Variants in SNX29 observed in about 807,000 individuals in gnomAD.
The protein encoded by SNX29 is sorting nexin 29.
A neutral mutation model predicts 102.1 loss-of-function variants in SNX29; 78 were observed. The ratio of observed to expected loss-of-function variants is 0.76; its 90% CI spans 0.64 to 0.92. SNX29 has a LOEUF of 0.92. SNX29 is among the 40% of genes least tolerant of loss of function. The probability of loss-of-function intolerance (pLI) is 0.00; values close to 1 mark genes in which losing one functional copy is unlikely to be tolerated. For missense variants in SNX29, 1,280 were observed against 1,061.7 expected, an observed-to-expected ratio of 1.21 and a Z score of -2.86; for synonymous variants, 580 against 414.5, an observed-to-expected ratio of 1.40 and a Z score of -4.85.
intron 11 of SNX29, among the ~76,000 whole-genome samples, chr16:12,105,821 A>G (rs1192450073): frequency 1.3e-5 from 2 of 152,158 alleles, no homozygotes; most frequent in African/African-American, 4.8e-5. Context: ...CTTGGAAAGA[A>G]GAGATCTGCA....
At chr16:12,567,660 G>A (rs573599831) in intron 20 of SNX29, among the ~76,000 whole-genome samples, 1 of 152,268 alleles carries the variant, frequency 6.6e-6, no homozygotes, top group African/African-American at 2.4e-5. Flanking sequence ...TGCTCAGGAG[G>A]CTGAGGTGAG....
At chr16:12,542,254 A>C (rs1349990734) in intron 20 of SNX29, among the ~76,000 whole-genome samples, 1 of 145,672 alleles carries the variant, frequency 6.9e-6, no homozygotes, top group African/African-American at 2.5e-5. Context: ...CCCTTTATAG[A>C]TGAGGAAATT....
At chr16:12,542,159 G>A (rs1008559827) in intron 20 of SNX29, among the ~76,000 whole-genome samples, 1 of 152,170 alleles carries the variant, frequency 6.6e-6, no homozygotes, top group Non-Finnish European at 1.5e-5. Context: ...CTGGGCTCCT[G>A]CTGGGTGTCA....
chr16:12,078,200 TG>T (rs766037424), intron 10 of SNX29, among the ~76,000 whole-genome samples: 1 of 145,126 alleles, frequency 6.9e-6, no homozygotes, highest in Non-Finnish European at 1.5e-5. Context: ...AAAGGCCGGG[TG>T]TGGTGGGTCA....
At chr16:12,382,076 C>T (rs1271863965) in intron 16 of SNX29, among the ~76,000 whole-genome samples, 1 of 152,050 alleles carries the variant, frequency 6.6e-6, no homozygotes, top group Non-Finnish European at 1.5e-5. Flanking sequence ...ATGACCACCC[C>T]TGCCAATGAA....
chr16:12,273,329 T>C (rs147037972), intron 14 of SNX29, among the ~76,000 whole-genome samples: 1 of 91,926 alleles, frequency 1.1e-5, no homozygotes. Flanking sequence ...TTAGTGGTGG[T>C]TTTTTGTTTT....
intron 15 of SNX29, among the ~76,000 whole-genome samples, chr16:12,351,175 T>G (rs2081982249): frequency 6.6e-6 from 1 of 151,900 alleles, no homozygotes. Flanking sequence ...CATGAGCTGG[T>G]GCACCTAATG....
At chr16:12,328,078 G>A (rs1345770863) in intron 15 of SNX29, among the ~76,000 whole-genome samples, 2 of 152,142 alleles carry the variant, frequency 1.3e-5, no homozygotes, top group Non-Finnish European at 2.9e-5. Flanking sequence ...AGAGCCTCGG[G>A]TTGCCCATTG....
intron 20 of SNX29, among the ~76,000 whole-genome samples, chr16:12,545,048 T>TGC (rs2077525258): frequency 6.6e-6 from 1 of 152,094 alleles, no homozygotes; most frequent in African/African-American, 2.4e-5. Flanking sequence ...TGTGATGCCC[T>TGC]GCTCCTGTAG....
At chr16:12,397,719 T>G (rs2083771468) in intron 16 of SNX29, among the ~76,000 whole-genome samples, 1 of 152,208 alleles carries the variant, frequency 6.6e-6, no homozygotes. Context: ...GTTGTCTGCT[T>G]TACATAATAA....
intron 15 of SNX29, among the ~76,000 whole-genome samples, chr16:12,330,740 C>T (rs562938547): frequency 8.5e-5 from 13 of 152,176 alleles, no homozygotes; most frequent in Non-Finnish European, 1.9e-4. Context: ...GGCATCCTTG[C>T]TCCCAGAAAA....
chr16:12,555,324 TTTC>T (rs2078264388), intron 20 of SNX29, among the ~76,000 whole-genome samples: 1 of 151,564 alleles, frequency 6.6e-6, no homozygotes, highest in Admixed American at 6.6e-5. Flanking sequence ...AGCCCCAGTG[TTTC>T]TTGGCACCTG....
chr16:12,566,405 G>A (rs1035532469), intron 20 of SNX29, among the ~76,000 whole-genome samples: 6 of 117,854 alleles, frequency 5.1e-5, no homozygotes, highest in South Asian at 5.8e-4. Flanking sequence ...GGCACTCTCA[G>A]AGCCTGTTAC....
At chr16:12,434,977 T>TG (rs148724372) in intron 18 of SNX29, among the ~76,000 whole-genome samples, 7,386 of 52,592 alleles carry the variant, frequency 0.14, 409 homozygotes, top group African/African-American at 0.27. Context: ...TGGGGGGCGG[T>TG]GGGGGGGGTT....
At position 12,127,706 on chromosome 16, in the gene SNX29, G is replaced by A. The variant is rs73517897; in HGVS notation, c.1466+1010G>A. ...CAAAGTGCTAAGATTATAGACGTGA[G>A]CCACTGTGCCTGGCCTCTAGGCAGC... is the stretch of plus-strand genomic sequence containing the variant. On this transcript the variant is annotated intron_variant, in intron 12 of 20. Coordinates refer to ENST00000566228, the MANE Select transcript of SNX29 (RefSeq NM_032167.5). 3.8e-3 allele frequency among the ~76,000 whole-genome samples: 574 copies of A among 152,282 alleles called. 4 individuals are homozygous for A. Among genetic ancestry groups the A allele is most frequent in the African/African-American group, 0.013 (544 of 41,558 alleles).
Position 12,175,288 on chromosome 16 carries a change from C to T in SNX29, c.1596-24313C>T, listed in dbSNP as rs193125986. Among the ~76,000 whole-genome samples the T allele has an allele frequency of 2.8e-4, 42 of 152,210 alleles. No individual in the cohort carries two copies. The East Asian group carries it at 4.6e-3, about 17-fold the overall frequency. ...AATATATATGTTAAGCCCTAACTCC[C>T]AATGTGATTGTATCTGGAGATAGGG... On this transcript the variant is annotated intron_variant, in intron 13 of 20. Transcript: ENST00000566228.
chr16:12,487,714 G>T (rs910699508), intron 19 of SNX29, among the ~76,000 whole-genome samples: 14 of 152,160 alleles, frequency 9.2e-5, no homozygotes. Context: ...TCGCAGCAGA[G>T]ATGCAGGGAG....
At chr16:12,510,905 A>G (rs565738214) in intron 19 of SNX29, among the ~76,000 whole-genome samples, 361 of 152,246 alleles carry the variant, frequency 2.4e-3, no homozygotes, top group African/African-American at 8.4e-3. Flanking sequence ...AGAAGGAGTC[A>G]TCGCAGGTGG....
At chr16:12,556,502 TCC>T (rs1041768036) in intron 20 of SNX29, 3 of 152,382 alleles carry the variant, frequency 2.0e-5, no homozygotes, top group African/African-American at 7.2e-5. Context: ...TGGCAGGCAG[TCC>T]CCGTGTTGCC....
Sources: gnomAD v4.1 joint callset for allele counts (sites outside exome capture counted in the v4.1 genomes callset) on GRCh38, gnomAD v4.1.1 for gene constraint, MANE v1.5 for transcripts, NCBI Gene and HGNC (gene_info 2026-07-23, HGNC 2026-07-21) for gene names.